Variants in DYM observed in about 807,000 individuals in gnomAD.
DYM encodes dyggve-Melchior-Clausen syndrome protein.
A neutral mutation model predicts 93.1 loss-of-function variants in DYM; 78 were observed. The observed-to-expected ratio is 0.84, with a 90% confidence interval of 0.70 to 1.01. The LOEUF (loss-of-function observed/expected upper bound fraction) is 1.01, where lower values mean the gene tolerates loss of function less well. DYM is among the 50% of genes least tolerant of loss of function. DYM has a pLI of 0.00. For missense variants in DYM, 789 were observed against 845.0 expected, an observed-to-expected ratio of 0.93 and a Z score of 0.82; for synonymous variants, 321 against 319.7, an observed-to-expected ratio of 1.00 and a Z score of -0.04.
chr18:49,207,988 G>C (rs1431148431), intron 14 of DYM, among the ~76,000 whole-genome samples: 1 of 151,962 alleles, frequency 6.6e-6, no homozygotes, highest in East Asian at 1.9e-4. Context: ...TTCAAGACTA[G>C]CCTGGCCAAC....
intron 1 of DYM, among the ~76,000 whole-genome samples, chr18:49,434,004 G>A (rs1412458675): frequency 8.5e-5 from 13 of 152,160 alleles, no homozygotes; most frequent in Admixed American, 8.5e-4. Context: ...GAGGACAGGA[G>A]TTTGAGACCA....
intron 11 of DYM, among the ~76,000 whole-genome samples, chr18:49,259,438 C>A (rs1240210170): frequency 6.6e-6 from 1 of 152,094 alleles, no homozygotes; most frequent in Non-Finnish European, 1.5e-5. Context: ...TCGGGGAATC[C>A]TACTAAACAG....
chr18:49,388,972 A>G (rs551313566), intron 3 of DYM, among the ~76,000 whole-genome samples: 1 of 152,150 alleles, frequency 6.6e-6, no homozygotes, highest in East Asian at 1.9e-4. Context: ...CAGCACTTAA[A>G]AAAATTTTTT....
intron 1 of DYM, among the ~76,000 whole-genome samples, chr18:49,435,916 C>T (rs1470829178): frequency 6.6e-6 from 1 of 152,152 alleles, no homozygotes; most frequent in African/African-American, 2.4e-5. Flanking sequence ...ACTTCATCGT[C>T]CATATTAAAC....
At chr18:49,075,380 G>A (rs2077219965) in intron 17 of DYM, among the ~76,000 whole-genome samples, 1 of 152,076 alleles carries the variant, frequency 6.6e-6, no homozygotes, top group African/African-American at 2.4e-5. Context: ...ATACTGCTGT[G>A]GGATACTCCC....
At chr18:49,063,275 A>G (rs2076127288) in intron 17 of DYM, among the ~76,000 whole-genome samples, 1 of 151,972 alleles carries the variant, frequency 6.6e-6, no homozygotes, top group South Asian at 2.1e-4. Context: ...AAGATTAGGA[A>G]TTAATCAAAA....
At chr18:49,087,404 T>C (rs1283065241) in intron 17 of DYM, among the ~76,000 whole-genome samples, 7 of 152,238 alleles carry the variant, frequency 4.6e-5, no homozygotes, top group South Asian at 2.1e-4. Flanking sequence ...TGCTTATCCA[T>C]TGCAAAGAAT....
intron 2 of DYM, among the ~76,000 whole-genome samples, chr18:49,395,155 A>G (rs1289480450): frequency 6.6e-6 from 1 of 152,218 alleles, no homozygotes; most frequent in African/African-American, 2.4e-5. Context: ...ATATCAAACT[A>G]AAAAGCTTCT....
intron 8 of DYM, among the ~76,000 whole-genome samples, chr18:49,293,856 T>C (rs1250162314): frequency 6.6e-6 from 1 of 152,186 alleles, no homozygotes; most frequent in Non-Finnish European, 1.5e-5. Context: ...TTTGTTGTCA[T>C]TGCTTTTGAT....
intron 8 of DYM, among the ~76,000 whole-genome samples, chr18:49,301,287 G>A (rs543584112): frequency 3.1e-4 from 47 of 152,248 alleles, no homozygotes; most frequent in Non-Finnish European, 5.6e-4. Flanking sequence ...TTGGGAGGCC[G>A]AGGCTGGCAG....
intron 8 of DYM, among the ~76,000 whole-genome samples, chr18:49,289,754 T>TATATACACAC (rs2059954365): frequency 2.1e-5 from 1 of 47,530 alleles, no homozygotes. Flanking sequence ...TATATATATA[T>TATATACACAC]ATATATATAT....
At chr18:49,434,972 C>A (rs1339296312) in intron 1 of DYM, among the ~76,000 whole-genome samples, 1 of 151,978 alleles carries the variant, frequency 6.6e-6, no homozygotes. Context: ...CTTTAGGAAG[C>A]CAAGGCAGGC....
At position 49,337,910 on chromosome 18, in the gene DYM, T is replaced by G. The variant is rs965473086; in HGVS notation, c.495-4057A>C. 3.3e-5 allele frequency among the ~76,000 whole-genome samples: 5 copies of G among 152,058 alleles called. No individual in the cohort carries two copies. In the South Asian group the frequency reaches 1.0e-3, roughly 32 times the overall value. On this transcript the variant is annotated intron_variant, in intron 6 of 17. Coordinates refer to ENST00000675505, the MANE Select transcript of DYM (RefSeq NM_001353214.3). ...ATACAAAGGCAGCCACAAAAAGGTC[T>G]GGTAGTTTTGAAGGAAAATAAGAAA...
intron 17 of DYM, among the ~76,000 whole-genome samples, chr18:49,080,520 A>C (rs1599595745): frequency 1.6e-5 from 2 of 125,190 alleles, no homozygotes; most frequent in Non-Finnish European, 3.4e-5. Flanking sequence ...GGGGCTCCTC[A>C]CTTCCCAGTA....
At chr18:49,300,851 G>C (rs2060887903) in intron 8 of DYM, among the ~76,000 whole-genome samples, 1 of 152,116 alleles carries the variant, frequency 6.6e-6, no homozygotes, top group Non-Finnish European at 1.5e-5. Flanking sequence ...AAAAGTAAAG[G>C]AATCCTTGAG....
chr18:49,194,241 C>T (rs1318669171), intron 14 of DYM, among the ~76,000 whole-genome samples: 2 of 152,166 alleles, frequency 1.3e-5, no homozygotes, highest in Non-Finnish European at 2.9e-5. Flanking sequence ...ATTTTGTATC[C>T]AATCCAAATC....
At chr18:49,118,664 G>A (rs2082120796) in intron 16 of DYM, 80 bp downstream of exon 16, 3 of 1,318,402 alleles carry the variant, frequency 2.3e-6, no homozygotes, top group South Asian at 2.4e-5. Context: ...TACTATTATA[G>A]TTCTTACCAA....
At chr18:49,317,610 T>G (rs867848542) in intron 8 of DYM, among the ~76,000 whole-genome samples, 2 of 13,656 alleles carry the variant, frequency 1.5e-4, no homozygotes, top group Non-Finnish European at 2.5e-4. Flanking sequence ...CCCTCCCCCC[T>G]CCCTCCCTCC....
intron 13 of DYM, among the ~76,000 whole-genome samples, chr18:49,245,197 C>T (rs2094135573): frequency 1.3e-5 from 2 of 152,110 alleles, no homozygotes; most frequent in Non-Finnish European, 2.9e-5. Context: ...TATGTCACTT[C>T]GGGATTCTGT....
Sources: gnomAD v4.1 joint callset for allele counts (sites outside exome capture counted in the v4.1 genomes callset) on GRCh38, gnomAD v4.1.1 for gene constraint, MANE v1.5 for transcripts, NCBI Gene and HGNC (gene_info 2026-07-23, HGNC 2026-07-21) for gene names.